The following RAB40C variants were observed in gnomAD, a reference collection of about 807,000 sequenced individuals.
RAB40C encodes the protein RAB40C, member RAS oncogene family.
A neutral mutation model predicts 28.1 loss-of-function variants in RAB40C; 8 were observed. The observed-to-expected ratio is 0.28, with a 90% CI of 0.17 to 0.51. The LOEUF (loss-of-function observed/expected upper bound fraction) is 0.51. Among genes scored for constraint, RAB40C ranks in the 20% least tolerant of loss-of-function variants. The pLI is 0.97. For synonymous variants in RAB40C, 201 were observed against 171.7 expected, an observed-to-expected ratio of 1.17 and a Z score of -1.34; for missense variants, 288 against 405.9, an observed-to-expected ratio of 0.71 and a Z score of 2.50.
chr16:600,192 C>T (rs986626265), intron 1 of RAB40C, among the ~76,000 whole-genome samples: 3 of 152,344 alleles, frequency 2.0e-5, no homozygotes, highest in African/African-American at 7.2e-5. Flanking sequence ...GTTCCCGGAG[C>T]TCCCTGTGTC....
chr16:626,250 G>T (rs918641149), intron 5 of RAB40C, 129 bp downstream of exon 5: 17 of 902,878 alleles, frequency 1.9e-5, no homozygotes, highest in Admixed American at 9.0e-5. Context: ...CGCAGTAGGG[G>T]CTCGGCCGGC....
rs201729621 is a variant in RAB40C at position 590,339 on chromosome 16, G to A, written c.48G>A (p.Lys16=). The change falls in exon 1 of 6, where the codon AAG becomes AAA. Residue 16 remains lysine, a synonymous_variant. Coordinates refer to ENST00000248139, the MANE Select transcript of RAB40C (RefSeq NM_021168.5). ...SPVKSYDYLL[K]FLLVGDSDVG... is the part of the protein sequence containing the mutation. ...TGAAGAGCTACGACTACCTGCTCAA[G>A]TTCCTGCTGGTGGGCGACAGCGACG... The A allele has an allele frequency of 5.5e-5, 87 of 1,595,788 alleles. No individual in the cohort carries two copies. Among genetic ancestry groups the A allele is most frequent in the Non-Finnish European group, 7.1e-5 (83 of 1,172,968 alleles).
intron 3 of RAB40C, chr16:625,149 A>T: frequency 7.3e-7 from 1 of 1,368,984 alleles, no homozygotes; most frequent in Non-Finnish European, 9.6e-7. Flanking sequence ...CCTGCCCAGG[A>T]AACTTCCACA....
intron 1 of RAB40C, among the ~76,000 whole-genome samples, chr16:594,458 G>A (rs1196308737): frequency 1.3e-5 from 2 of 152,200 alleles, no homozygotes; most frequent in Non-Finnish European, 2.9e-5. Flanking sequence ...GTACCCATGG[G>A]AGCGAGGGCA....
intron 1 of RAB40C, among the ~76,000 whole-genome samples, chr16:611,266 C>A (rs540885088): frequency 6.6e-6 from 1 of 152,210 alleles, no homozygotes; most frequent in Non-Finnish European, 1.5e-5. Flanking sequence ...TGGGCCATGG[C>A]GCCATCTAGG....
At position 597,969 on chromosome 16, in the gene RAB40C, G is replaced by A. The variant is rs192312584; in HGVS notation, c.142+7536G>A. 9.0e-5 allele frequency among the ~76,000 whole-genome samples: 13 copies of A among 145,038 alleles called. No homozygotes were observed. The East Asian group carries it at 1.3e-3, about 14-fold the overall frequency. ...AAAAAAAAAAAAAAAAAAAAAGGCC[G>A]GGTGCAGTGGCTCACACCTGTAATT... On this transcript the variant is annotated intron_variant, in intron 1 of 5. Transcript: ENST00000248139.
Position 627,548 on chromosome 16 carries a change from A to T in RAB40C, c.772A>T (p.Lys258Ter), listed in dbSNP as rs776140672. Residue 258 changes from lysine to a stop codon, truncating the protein, a stop_gained, in exon 6 of 6, where the codon AAG (lysine) becomes TAG (stop). Coordinates refer to ENST00000248139, the MANE Select transcript of RAB40C (RefSeq NM_021168.5). LOFTEE classifies it high-confidence loss of function. ...GGGGSKGNSL[K>*]RSKSIRPPQS... ...CGGCGGCAGCAAGGGCAACAGCCTC[A>T]AGAGGTCCAAGTCCATCCGTCCACC... The T allele has an allele frequency of 6.2e-7, 1 of 1,613,440 alleles. No individual in the cohort carries two copies. The highest frequency in any genetic ancestry group is 8.5e-7 in the Non-Finnish European group (1 of 1,179,870).
In RAB40C at chr16:610,468, C is replaced by T. The variant is rs1001937421; in HGVS notation, c.143-6740C>T. On this transcript the variant is annotated intron_variant, in intron 1 of 5. Transcript: ENST00000248139. This position sits in a 1 kb window ranked among gnomAD's most constrained non-coding sequence, Gnocchi z 4.6. ...TGCGTGAGGCCTCAGTGGGCCTGCA[C>T]GGAGCAGCTGACCTTCACTGGCGCC... Among the ~76,000 whole-genome samples the T allele has an allele frequency of 5.9e-5, 9 of 152,146 alleles. No individual in the cohort carries two copies. Among genetic ancestry groups the T allele is most frequent in the African/African-American group, 1.2e-4 (5 of 41,426 alleles).
chr16:606,664 G>C (rs2036365603), intron 1 of RAB40C, among the ~76,000 whole-genome samples: 1 of 152,230 alleles, frequency 6.6e-6, no homozygotes, highest in Non-Finnish European at 1.5e-5. Context: ...GTAGCACCTT[G>C]CTGGGTGCAA....
At chr16:626,993 C>T (rs1054505285) in intron 5 of RAB40C, among the ~76,000 whole-genome samples, 10 of 152,124 alleles carry the variant, frequency 6.6e-5, no homozygotes, top group Non-Finnish European at 1.5e-4. Context: ...GACGCGCGCT[C>T]CCCCGCTCTA....
At position 627,563 on chromosome 16, in the gene RAB40C, A is replaced by C; in HGVS notation, c.787A>C (p.Ile263Leu). 1 of 1,612,568 alleles carries C rather than the reference A, an allele frequency of 6.2e-7. No homozygotes were observed. The highest frequency in any genetic ancestry group is 8.5e-7 in the Non-Finnish European group (1 of 1,179,294). The change falls in exon 6 of 6, where the codon ATC becomes CTC. Residue 263 changes from isoleucine to leucine, a missense_variant. Ile to Leu is a conservative substitution (Grantham distance 5). Transcript: ENST00000248139. ...KGNSLKRSKS[I>L]RPPQSPPQNC... is the part of the protein sequence containing the mutation. Reference sequence around the variant, plus strand: ...CAACAGCCTCAAGAGGTCCAAGTCCATCCGTCCACCCCAGAGCCCCCCCCA... The same window carrying C: ...CAACAGCCTCAAGAGGTCCAAGTCCCTCCGTCCACCCCAGAGCCCCCCCCA...
chr16:604,061 C>CTT lies in RAB40C; in HGVS notation c.143-13134_143-13133dup, dbSNP rs71299921. 4.5e-3 allele frequency among the ~76,000 whole-genome samples: 629 copies of CTT among 138,656 alleles called. 5 individuals carry two copies. The highest frequency in any genetic ancestry group is 0.014 in the African/African-American group (534 of 38,034). 91.0% of individuals were successfully genotyped at this position (138,656 alleles called of 152,430 possible). A position where few individuals can be genotyped will look rare whatever the true frequency, so the allele number is the denominator to read the frequency against. On this transcript the variant is annotated intron_variant, in intron 1 of 5. Coordinates refer to ENST00000248139, the MANE Select transcript of RAB40C (RefSeq NM_021168.5). ...GAACGAGTTCTTCTTTTTTCTTTTT[C>CTT]TTTTTTTTTTTTTTGAGACTCTCGT...
chr16:623,483 A>C (rs1219278837), intron 3 of RAB40C, among the ~76,000 whole-genome samples: 1 of 151,736 alleles, frequency 6.6e-6, no homozygotes, highest in East Asian at 1.9e-4. Context: ...CCCTGTCTCT[A>C]CTAAAAAAAA....
intron 1 of RAB40C, among the ~76,000 whole-genome samples, chr16:591,596 CTT>C (rs1015313465): frequency 1.0e-4 from 15 of 144,444 alleles, no homozygotes; most frequent in Admixed American, 1.4e-4. Context: ...TCTTTTCTTT[CTT>C]TTTTTTTTTT....
In RAB40C at chr16:590,213, G is replaced by A. The variant is rs867115208; in HGVS notation, c.-79G>A. The A allele has an allele frequency of 1.7e-5, 19 of 1,123,802 alleles. No individual in the cohort carries two copies. In the African/African-American group the frequency reaches 2.5e-4, roughly 15 times the overall value. The allele number at this position is 1,123,802 out of a possible 1,614,324, so 69.6% of individuals were successfully genotyped here. A position where few individuals can be genotyped will look rare whatever the true frequency, so the allele number is the denominator to read the frequency against. On this transcript the variant is annotated 5_prime_UTR_variant, in exon 1 of 6. Coordinates refer to ENST00000248139, the MANE Select transcript of RAB40C (RefSeq NM_021168.5). ...GCGGACGCAACGGGCGCAGGTGCGG[G>A]GCGCGGGCTCTCTCACGCCGCGGCC...
chr16:590,215 C>G lies in RAB40C; in HGVS notation c.-77C>G. ...GGACGCAACGGGCGCAGGTGCGGGGCGCGGGCTCTCTCACGCCGCGGCCTC... is the reference window on the plus strand; with the variant it reads ...GGACGCAACGGGCGCAGGTGCGGGGGGCGGGCTCTCTCACGCCGCGGCCTC... On this transcript the variant is annotated 5_prime_UTR_variant, in exon 1 of 6. Transcript: ENST00000248139. The G allele has an allele frequency of 1.8e-6, 2 of 1,132,916 alleles. No homozygotes were observed. Among genetic ancestry groups the G allele is most frequent in the East Asian group, 4.4e-5 (1 of 22,882 alleles). 70.2% of individuals were successfully genotyped at this position (1,132,916 alleles called of 1,614,324 possible). A position where few individuals can be genotyped will look rare whatever the true frequency, so the allele number is the denominator to read the frequency against.
chr16:606,866 A>C (rs984914997), intron 1 of RAB40C, among the ~76,000 whole-genome samples: 2 of 152,136 alleles, frequency 1.3e-5, no homozygotes, highest in Non-Finnish European at 2.9e-5. Flanking sequence ...AATCCCGGAT[A>C]ATCTCCCACC....
intron 1 of RAB40C, among the ~76,000 whole-genome samples, chr16:595,667 G>A (rs1161668486): frequency 1.3e-5 from 2 of 151,218 alleles, no homozygotes; most frequent in Non-Finnish European, 2.9e-5. Flanking sequence ...CAGTGGCACG[G>A]TCTCGGCTCA....
Position 621,446 on chromosome 16 carries a change from G to A in RAB40C, c.264+3186G>A, listed in dbSNP as rs548827024. Among the ~76,000 whole-genome samples the A allele has an allele frequency of 1.1e-3, 170 of 152,356 alleles. 1 individual carries two copies. Among genetic ancestry groups the A allele is most frequent in the African/African-American group, 3.9e-3 (161 of 41,580 alleles). ...GTGGAGAGGCCTGGAAGGTCCCCGC[G>A]GCCTGGGTCTTGCAGATGGCACCAG... On this transcript the variant is annotated intron_variant, in intron 3 of 5. Coordinates refer to ENST00000248139, the MANE Select transcript of RAB40C (RefSeq NM_021168.5).
Sources: gnomAD v4.1 joint callset for allele counts (sites outside exome capture counted in the v4.1 genomes callset) on GRCh38, gnomAD v4.1.1 for gene constraint, Gnocchi (gnomAD v3.1) non-coding constraint, MANE v1.5 for transcripts, NCBI Gene and HGNC (gene_info 2026-07-23, HGNC 2026-07-21) for gene names.